Variants in GAGE13 observed in about 807,000 individuals in gnomAD.
GAGE13 encodes G antigen 13.
chrX:49,332,088 C>T (rs1182730941), intron 1 of GAGE13, among the ~76,000 whole-genome samples: 1 of 80,500 alleles, frequency 1.2e-5, no homozygotes, highest in Non-Finnish European at 3.2e-5. Context: ...GCCCCCGCAG[C>T]GGTGTGGAGT....
intron 4 of GAGE13, among the ~76,000 whole-genome samples, chrX:49,337,663 T>A (rs1198744562): frequency 1.6e-5 from 1 of 63,665 alleles, no homozygotes; most frequent in East Asian, 3.9e-4. Flanking sequence ...TATTTATTTA[T>A]TTATTTATTT....
intron 4 of GAGE13, among the ~76,000 whole-genome samples, chrX:49,337,650 T>TTTTATTTATTTA (rs1328822471): frequency 1.7e-5 from 1 of 58,903 alleles, no homozygotes; most frequent in African/African-American, 5.3e-5. Context: ...CTTTTTTTTC[T>TTTTATTTATTTA]TTTATTTATT....
In GAGE13 at chrX:49,335,502, G is replaced by A. The variant is rs1318391547; in HGVS notation, c.206-745G>A. On this transcript the variant is annotated intron_variant, in intron 3 of 4. Transcript: ENST00000612958. ...CAACCCACACCTCCCAGGTTCTAGG[G>A]ATTCTCATGCCTCAGCCTCCCGTGT... 1.1e-3 allele frequency among the ~76,000 whole-genome samples: 117 copies of A among 105,747 alleles called. 2 individuals are homozygous for A. The highest frequency in any genetic ancestry group is 3.0e-4 in the Admixed American group (3 of 9,963). 91.8% of individuals were successfully genotyped at this position (105,747 alleles called of 115,157 possible).
In GAGE13 at chrX:49,332,009, T is replaced by C. The variant is rs1297554836; in HGVS notation, c.-9+320T>C. 1.8e-3 allele frequency among the ~76,000 whole-genome samples: 144 copies of C among 78,689 alleles called. 1 individual carries two copies. Among genetic ancestry groups the C allele is most frequent in the Admixed American group, 4.8e-3 (36 of 7,546 alleles). 68.3% of individuals were successfully genotyped at this position (78,689 alleles called of 115,157 possible). A position where few individuals can be genotyped will look rare whatever the true frequency, so the allele number is the denominator to read the frequency against. ...CACAGGGCAGATTCCCTGAATGGGG[T>C]CCCCGGCGGGGGCGAGGCGGGCGGT... On this transcript the variant is annotated intron_variant, in intron 1 of 4. Transcript: ENST00000612958.
chrX:49,331,948 G>T (rs1440357989), intron 1 of GAGE13, among the ~76,000 whole-genome samples: 40 of 80,100 alleles, frequency 5.0e-4, no homozygotes, highest in Non-Finnish European at 1.2e-3. Flanking sequence ...GCTGTTGGGG[G>T]GATGGAAGTC....
intron 4 of GAGE13, among the ~76,000 whole-genome samples, chrX:49,337,708 C>G (rs1211556419): frequency 1.6e-5 from 1 of 60,823 alleles, no homozygotes; most frequent in African/African-American, 5.2e-5. Flanking sequence ...TTTTAGGGTA[C>G]ATGTGCACGT....
intron 3 of GAGE13, among the ~76,000 whole-genome samples, chrX:49,334,981 CTGTA>C (rs1226236891): frequency 1.1e-5 from 1 of 87,842 alleles, no homozygotes; most frequent in East Asian, 3.4e-4. Flanking sequence ...TAAATTTTTA[CTGTA>C]TGTATCTTCA....
intron 1 of GAGE13, among the ~76,000 whole-genome samples, chrX:49,332,214 G>T (rs1248401280): frequency 5.0e-5 from 4 of 80,448 alleles, no homozygotes; most frequent in South Asian, 1.3e-3. Flanking sequence ...TGTGAGGGGG[G>T]GTGAATGGCT....
rs2066470364 is a variant in GAGE13, at chrX:49,332,831, TAAA to T, written c.84+11_84+13del. The T allele has an allele frequency of 8.9e-7, 1 of 1,128,222 alleles. No homozygotes were observed. Among genetic ancestry groups the T allele is most frequent in the Non-Finnish European group, 1.2e-6 (1 of 843,850 alleles). 93.0% of individuals were successfully genotyped at this position (1,128,222 alleles called of 1,213,427 possible). ...GATTGGGCCTATGCGGGTGAGTGCT[TAAA>T]CGTTAATTCGATGTTTTCTATTAGT... On this transcript the variant is annotated intron_variant, in intron 2 of 4. Transcript: ENST00000612958.
At chrX:49,332,078 G>A (rs1413389817) in intron 1 of GAGE13, among the ~76,000 whole-genome samples, 13 of 80,454 alleles carry the variant, frequency 1.6e-4, no homozygotes, top group Admixed American at 7.6e-4. Context: ...CCTGGTGAGC[G>A]CCCCCGCAGC....
intron 4 of GAGE13, among the ~76,000 whole-genome samples, chrX:49,337,753 T>C (rs1183096847): frequency 5.0e-5 from 3 of 59,721 alleles, no homozygotes; most frequent in African/African-American, 1.7e-4. Flanking sequence ...ACATGTGCCA[T>C]GCTGGTGCGC....
At chrX:49,335,244 A>C (rs1319746033) in intron 3 of GAGE13, among the ~76,000 whole-genome samples, 37,125 of 98,692 alleles carry the variant, frequency 0.38, 7,195 homozygotes, top group Non-Finnish European at 0.53. Context: ...TATGTACTTG[A>C]GGGTGTGTAT....
chrX:49,335,628 CCCCACGCCCGG>C (rs1429849203), intron 3 of GAGE13, among the ~76,000 whole-genome samples: 1 of 89,643 alleles, frequency 1.1e-5, no homozygotes, highest in Non-Finnish European at 2.5e-5. Flanking sequence ...AGGCGTGAGA[CCCCACGCCCGG>C]CCCAGATAAT....
intron 3 of GAGE13, among the ~76,000 whole-genome samples, chrX:49,335,000 A>G (rs1470575290): frequency 1.1e-5 from 1 of 88,975 alleles, no homozygotes; most frequent in African/African-American, 3.5e-5. Context: ...TCTTCAAGAC[A>G]TAGCATTCAT....
At chrX:49,335,349 A>G (rs2066481530) in intron 3 of GAGE13, among the ~76,000 whole-genome samples, 1 of 108,186 alleles carries the variant, frequency 9.2e-6, no homozygotes, top group Non-Finnish European at 2.0e-5. Flanking sequence ...GTCATTTAAT[A>G]CAGAGTGCAT....
chrX:49,332,214 G>A (rs1248401280), intron 1 of GAGE13, among the ~76,000 whole-genome samples: 1 of 80,445 alleles, frequency 1.2e-5, no homozygotes, highest in African/African-American at 3.4e-5. Context: ...TGTGAGGGGG[G>A]GTGAATGGCT....
At chrX:49,337,736 T>C (rs1316478469) in intron 4 of GAGE13, among the ~76,000 whole-genome samples, 9 of 61,060 alleles carry the variant, frequency 1.5e-4, no homozygotes, top group Non-Finnish European at 3.3e-4. Flanking sequence ...GTTAGTTACA[T>C]ATGTATACAT....
At chrX:49,335,477 C>G (rs1408923744) in intron 3 of GAGE13, among the ~76,000 whole-genome samples, 1 of 108,605 alleles carries the variant, frequency 9.2e-6, no homozygotes, top group Admixed American at 9.8e-5. Flanking sequence ...CGGCTCACTG[C>G]AACCCACACC....
chrX:49,335,524 G>A (rs1346014322), intron 3 of GAGE13, among the ~76,000 whole-genome samples: 9 of 102,306 alleles, frequency 8.8e-5, no homozygotes, highest in Admixed American at 1.0e-4. Flanking sequence ...TCAGCCTCCC[G>A]TGTAGCTGGG....
Sources: gnomAD v4.1 joint callset for allele counts (sites outside exome capture counted in the v4.1 genomes callset) on GRCh38, gnomAD v4.1.1 for gene constraint, MANE v1.5 for transcripts, NCBI Gene and HGNC (gene_info 2026-07-23, HGNC 2026-07-21) for gene names.